DNAJA4: variants seen among roughly 807,000 people sequenced by gnomAD.
DNAJA4 encodes the protein DnaJ heat shock protein family (Hsp40) member A4, also known as dnaJ homolog subfamily A member 4.
In DNAJA4, 32 loss-of-function variants were observed where a neutral mutation model predicts 39.7. That is an observed-to-expected ratio of 0.81 (90% confidence interval 0.61 to 1.08). The LOEUF (loss-of-function observed/expected upper bound fraction) is 1.08, where lower values mean the gene tolerates loss of function less well. Ranked by LOEUF, DNAJA4 falls within the 50% of genes least tolerant of loss-of-function variation. The pLI is 0.00. For synonymous variants in DNAJA4, 184 were observed against 182.4 expected (o/e 1.01, Z -0.07); for missense variants, 439 against 505.1 (o/e 0.87, Z 1.25).
chr15:78,264,788 G>C lies in DNAJA4; in HGVS notation c.25G>C (p.Asp9His). 1 of 1,608,058 alleles carries C rather than the reference G, an allele frequency of 6.2e-7. No homozygotes were observed. Among genetic ancestry groups the C allele is most frequent in the South Asian group, 1.1e-5 (1 of 90,548 alleles). ...GATGGTGAAGGAGACCCAGTACTAT[G>C]ACATCCTGGGCGTGAAGCCCAGCGC... MVKETQYYDILGVKPSASP... is the reference protein window; with the variant it reads MVKETQYYHILGVKPSASP... The change falls in exon 1 of 7, where the codon GAC becomes CAC. Residue 9 changes from aspartate (D) to histidine (H), a missense_variant. Asp to His is a moderately conservative substitution (Grantham distance 81). Transcript: ENST00000394852.
upstream of DNAJA4, chr15:78,264,174 CA>C (rs1301841479): frequency 7.4e-6 from 4 of 541,058 alleles, no homozygotes; most frequent in African/African-American, 7.9e-5. Context: ...GGGCTCCGGC[CA>C]ACACAGCCCT....
rs557621667 is a variant in DNAJA4 at position 78,269,182 on chromosome 15, C to T, written c.133-1315C>T. Among the ~76,000 whole-genome samples the T allele has an allele frequency of 9.9e-5, 15 of 152,254 alleles. No individual in the cohort carries two copies. In the East Asian group the frequency reaches 1.9e-3, roughly 20 times the overall value. ...TAGGACTGGCTTTTACTCCCAGTGA[C>T]GTGGGCCACCTTGTAGAGGTTTGAG... On this transcript the variant is annotated intron_variant, in intron 1 of 6. Coordinates refer to ENST00000394852, the MANE Select transcript of DNAJA4 (RefSeq NM_001130182.2).
chr15:78,272,895 A>G (rs1417168999), intron 2 of DNAJA4, among the ~76,000 whole-genome samples, 200 bp from the exon 3 acceptor site: 1 of 152,204 alleles, frequency 6.6e-6, no homozygotes, highest in East Asian at 1.9e-4. Context: ...TAGAGAGGGT[A>G]TTAGCTCTTG....
In DNAJA4 at chr15:78,281,441, C is replaced by A. The variant is rs1176333958; in HGVS notation, c.*981C>A. 1 of 149,818 alleles carries A rather than the reference C, an allele frequency of 6.7e-6. No homozygotes were observed. Among genetic ancestry groups the A allele is most frequent in the African/African-American group, 2.6e-5 (1 of 39,108 alleles). 9.3% of individuals were successfully genotyped at this position (149,818 alleles called of 1,614,324 possible). A position where few individuals can be genotyped will look rare whatever the true frequency, so the allele number is the denominator to read the frequency against. ...CATTCTCCCAGATTGAGCTCCCTTCCAAAGGATCGTTCCTCTCATTGCACA... is the reference window on the plus strand; with the variant it reads ...CATTCTCCCAGATTGAGCTCCCTTCAAAAGGATCGTTCCTCTCATTGCACA... On this transcript the variant is annotated 3_prime_UTR_variant, in exon 7 of 7. Transcript: ENST00000394852.
rs1174835579 is a variant in DNAJA4 at position 78,265,758 on chromosome 15, T to TAGA, written c.132+864_132+865insGAA. ...CTCCTTTCACTTCTTGCCATTTTCT[T>TAGA]ACAAAACTTTGGTTGTTCCGCATGG... On this transcript the variant is annotated intron_variant, in intron 1 of 6. Transcript: ENST00000394852. The TAGA allele has an allele frequency of 5.2e-5, 35 of 673,286 alleles. No individual in the cohort carries two copies. In the Admixed American group the frequency reaches 7.5e-4, roughly 15 times the overall value. The allele number at this position is 673,286 out of a possible 1,614,324, so 41.7% of individuals were successfully genotyped here. A position where few individuals can be genotyped will look rare whatever the true frequency, so the allele number is the denominator to read the frequency against.
In DNAJA4 at chr15:78,264,908, G is replaced by GCGGGGCACGGGC; in HGVS notation, c.132+18_132+29dup. The GCGGGGCACGGGC allele has an allele frequency of 6.3e-7, 1 of 1,579,894 alleles. No homozygotes were observed. Among genetic ancestry groups the GCGGGGCACGGGC allele is most frequent in the Non-Finnish European group, 8.6e-7 (1 of 1,161,902 alleles). ...TGAGGGCGAGAAGGTGCGGGGCGGC[G>GCGGGGCACGGGC]CGGGGCACGGGCCGGGCTCCCGAGG... On this transcript the variant is annotated intron_variant, in intron 1 of 6. Transcript: ENST00000394852.
At chr15:78,274,162 C>T (rs781343533) in intron 3 of DNAJA4, 35 bp from the exon 4 acceptor site, 3 of 1,592,770 alleles carry the variant, frequency 1.9e-6, no homozygotes, top group South Asian at 1.1e-5. Context: ...AAGGGAAGAG[C>T]ATGGCCCTCA....
Position 78,269,005 on chromosome 15 carries a change from C to A in DNAJA4, c.133-1492C>A, listed in dbSNP as rs1261500623. On this transcript the variant is annotated intron_variant, in intron 1 of 6. Coordinates refer to ENST00000394852, the MANE Select transcript of DNAJA4 (RefSeq NM_001130182.2). The stretch of plus-strand genomic sequence containing the variant: ...GAGCTAAGGCTGGAAAGAGATGAGT[C>A]GGGAGGCCGCACCAGGCTGAGGTGC... 2.0e-5 allele frequency among the ~76,000 whole-genome samples: 3 copies of A among 152,240 alleles called. No individual in the cohort carries two copies. In the South Asian group the frequency reaches 6.2e-4, roughly 32 times the overall value.
chr15:78,275,362 C>T, intron 4 of DNAJA4, 136 bp from the exon 5 acceptor site: 1 of 697,800 alleles, frequency 1.4e-6, no homozygotes, highest in Non-Finnish European at 2.4e-6. Flanking sequence ...CCACCCCTCC[C>T]TGCCTTGTGC....
chr15:78,264,345 C>T (rs1182719216), upstream of DNAJA4: 4 of 1,447,796 alleles, frequency 2.8e-6, no homozygotes, highest in Admixed American at 8.1e-5. Context: ...AGCTGGAGCT[C>T]CGGGGAATCA....
intron 1 of DNAJA4, among the ~76,000 whole-genome samples, chr15:78,268,515 A>G (rs2049204678): frequency 6.6e-6 from 1 of 152,142 alleles, no homozygotes; most frequent in Non-Finnish European, 1.5e-5. Context: ...AAGGGAATTA[A>G]TGCCTCAAAT....
intron 2 of DNAJA4, among the ~76,000 whole-genome samples, chr15:78,272,127 G>A (rs1459804546): frequency 2.0e-5 from 3 of 152,122 alleles, no homozygotes; most frequent in African/African-American, 7.2e-5. Context: ...ACGAGGTCAG[G>A]AGATCGAGAC....
At chr15:78,266,183 T>G in intron 1 of DNAJA4, 1 of 1,598,820 alleles carries the variant, frequency 6.3e-7, no homozygotes. Flanking sequence ...CTTCTGACAG[T>G]CTCCTTTAAG....
intron 5 of DNAJA4, chr15:78,278,147 C>T: frequency 2.2e-6 from 1 of 455,982 alleles, no homozygotes; most frequent in Non-Finnish European, 4.4e-6. Context: ...GTGTGATGGC[C>T]CTGCCTGCAG....
intron 1 of DNAJA4, among the ~76,000 whole-genome samples, chr15:78,268,441 TTTAGCTATTTA>T (rs1779959303): frequency 6.6e-6 from 1 of 152,238 alleles, no homozygotes; most frequent in Non-Finnish European, 1.5e-5. Flanking sequence ...ATTGTAGTTT[TTTAGCTATTTA>T]TTAGCTATTA....
At chr15:78,267,471 T>TA (rs1351014474) in intron 1 of DNAJA4, among the ~76,000 whole-genome samples, 1 of 151,516 alleles carries the variant, frequency 6.6e-6, no homozygotes, top group African/African-American at 2.4e-5. Context: ...GGGTGTTTTT[T>TA]TTTTGTTTTT....
At chr15:78,268,487 A>G (rs2049203770) in intron 1 of DNAJA4, among the ~76,000 whole-genome samples, 1 of 152,162 alleles carries the variant, frequency 6.6e-6, no homozygotes, top group Non-Finnish European at 1.5e-5. Flanking sequence ...TTAGATTTCA[A>G]TCAGGGATCT....
Position 78,274,312 on chromosome 15 carries a change from C to T in DNAJA4, c.534C>T (p.Cys178=). Residue 178 remains cysteine (C), a synonymous_variant, in exon 4 of 7, where the codon TGC becomes TGT. Transcript: ENST00000394852. ...TGGTACAGCAGATCCAGACCGTGTG[C>T]ATCGAGTGCAAGGGCCAGGGTGAGC... is the stretch of plus-strand genomic sequence containing the variant. ...PGMVQQIQTV[C]IECKGQGERI... 6.2e-7 allele frequency: 1 copy of T among 1,614,170 alleles called. No individual in the cohort carries two copies. The highest frequency in any genetic ancestry group is 1.1e-5 in the South Asian group (1 of 91,078).
upstream of DNAJA4, chr15:78,264,382 C>T: frequency 7.0e-7 from 1 of 1,437,586 alleles, no homozygotes; most frequent in Non-Finnish European, 9.1e-7. Flanking sequence ...AGCAGACGCC[C>T]GAGAAGCCCA....
Sources: allele counts gnomAD v4.1 joint callset (sites outside exome capture counted in the v4.1 genomes callset), GRCh38; gene constraint gnomAD v4.1.1; transcripts MANE v1.5; gene names NCBI Gene and HGNC (gene_info 2026-07-23, HGNC 2026-07-21).